The following GABRB2 variants were observed in gnomAD, a reference collection of about 807,000 sequenced individuals.
GABRB2 encodes the protein gamma-aminobutyric acid type A receptor subunit beta2, also known as gamma-aminobutyric acid receptor subunit beta-2.
GABRB2 carries 16 observed loss-of-function variants against 54.7 expected under a neutral mutation model. That is an observed-to-expected ratio of 0.29 (90% CI 0.20 to 0.44). The LOEUF (loss-of-function observed/expected upper bound fraction) is 0.44, where lower values mean the gene tolerates loss of function less well. Among genes scored for constraint, GABRB2 ranks in the 20% least tolerant of loss-of-function variants. The pLI, the probability that GABRB2 is intolerant of heterozygous loss-of-function variation, is 1.00. For missense variants in GABRB2, 355 were observed against 644.0 expected (o/e 0.55, Z 4.86); for synonymous variants, 244 against 233.8 (o/e 1.04, Z -0.40).
chr5:161,379,559 T>C (rs1755405881), intron 5 of GABRB2, among the ~76,000 whole-genome samples: 1 of 152,176 alleles, frequency 6.6e-6, no homozygotes, highest in Non-Finnish European at 1.5e-5. Flanking sequence ...CATTCTCAAA[T>C]TTCATTCCAT....
intron 5 of GABRB2, among the ~76,000 whole-genome samples, chr5:161,364,022 TA>T (rs1273166318): frequency 6.6e-6 from 1 of 152,220 alleles, no homozygotes; most frequent in African/African-American, 2.4e-5. Flanking sequence ...GCTGAAGTGA[TA>T]AAAATCACAT....
chr5:161,297,565 G>C (rs1337790717), intron 9 of GABRB2, among the ~76,000 whole-genome samples: 1 of 152,094 alleles, frequency 6.6e-6, no homozygotes, highest in African/African-American at 2.4e-5. Context: ...AATTTGCTGA[G>C]AATGATGGTT....
At chr5:161,538,889 A>G (rs781113260) in intron 3 of GABRB2, among the ~76,000 whole-genome samples, 1 of 152,198 alleles carries the variant, frequency 6.6e-6, no homozygotes, top group Non-Finnish European at 1.5e-5. Context: ...GGTTGGTCTC[A>G]TTCACTACTC....
Position 161,293,583 on chromosome 5 carries a change from T to C in GABRB2, c.*498A>G. 6.5e-6 allele frequency: 1 copy of C among 154,374 alleles called. No homozygotes were observed. Among genetic ancestry groups the C allele is most frequent in the Admixed American group, 6.4e-5 (1 of 15,712 alleles). 9.6% of individuals were successfully genotyped at this position (154,374 alleles called of 1,614,324 possible). A position where few individuals can be genotyped will look rare whatever the true frequency, so the allele number is the denominator to read the frequency against. On this transcript the variant is annotated 3_prime_UTR_variant, in exon 10 of 10. Coordinates refer to ENST00000393959, the MANE Select transcript of GABRB2 (RefSeq NM_001371727.1). Reference sequence around the variant, plus strand: ...ATCTTTTAGAAACCAGTGGGAATAATCTTCCCATGACACCATTATCATCTC... The same window carrying C: ...ATCTTTTAGAAACCAGTGGGAATAACCTTCCCATGACACCATTATCATCTC...
chr5:161,292,636 CT>C lies in GABRB2; in HGVS notation c.*1444del, dbSNP rs1476621102. 1 of 152,090 alleles carries C rather than the reference CT, an allele frequency of 6.6e-6. No homozygotes were observed. The highest frequency in any genetic ancestry group is 2.4e-5 in the African/African-American group (1 of 41,406). 9.4% of individuals were successfully genotyped at this position (152,090 alleles called of 1,614,324 possible). On this transcript the variant is annotated 3_prime_UTR_variant, in exon 10 of 10. Transcript: ENST00000393959. Reference sequence around the variant, plus strand: ...CATAACATTTATCATGTTAATGTGGCTTTGTTATTATTTTCCACTAGTTTTC... The same window carrying C: ...CATAACATTTATCATGTTAATGTGGCTTGTTATTATTTTCCACTAGTTTTC...
chr5:161,342,950 A>G (rs889399934), intron 5 of GABRB2, among the ~76,000 whole-genome samples: 1 of 152,056 alleles, frequency 6.6e-6, no homozygotes, highest in Non-Finnish European at 1.5e-5. Flanking sequence ...TTGAGTGACC[A>G]TAATTAGAAG....
At chr5:161,499,783 A>C (rs550115148) in intron 3 of GABRB2, among the ~76,000 whole-genome samples, 10 of 152,182 alleles carry the variant, frequency 6.6e-5, no homozygotes, top group Admixed American at 6.5e-4. Context: ...TGCATAAGGC[A>C]GTGGTGGCAG....
chr5:161,427,670 T>C (rs532401962), intron 4 of GABRB2, among the ~76,000 whole-genome samples: 69 of 152,328 alleles, frequency 4.5e-4, no homozygotes, highest in Admixed American at 3.7e-3. Context: ...GACTGCTAAA[T>C]GTAATTACAT....
At chr5:161,536,850 G>A (rs556937088) in intron 3 of GABRB2, among the ~76,000 whole-genome samples, 219 of 151,910 alleles carry the variant, frequency 1.4e-3, no homozygotes, top group African/African-American at 4.9e-3. Flanking sequence ...CACCCACCTC[G>A]GCCTCCCAAA....
intron 7 of GABRB2, among the ~76,000 whole-genome samples, chr5:161,334,504 C>A (rs943745535): frequency 5.3e-5 from 8 of 152,150 alleles, no homozygotes; most frequent in Non-Finnish European, 1.2e-4. Context: ...AAATATCAAA[C>A]TGATGGGACT....
chr5:161,544,558 C>G (rs1760914437), intron 3 of GABRB2, among the ~76,000 whole-genome samples: 1 of 152,172 alleles, frequency 6.6e-6, no homozygotes, highest in South Asian at 2.1e-4. Context: ...GAGGCAGCCA[C>G]TAAGGAGTAC....
intron 8 of GABRB2, chr5:161,329,650 G>A (rs553420532): frequency 6.6e-6 from 1 of 152,274 alleles, no homozygotes; most frequent in East Asian, 1.9e-4. Context: ...TTTGAAGTTA[G>A]AAATATCAAA....
chr5:161,408,669 T>G (rs1580960529), intron 5 of GABRB2, among the ~76,000 whole-genome samples: 2 of 151,798 alleles, frequency 1.3e-5, no homozygotes, highest in South Asian at 4.2e-4. Flanking sequence ...AATTTTCATT[T>G]GCCAGAGGGA....
At chr5:161,350,774 G>A (rs1438640703) in intron 5 of GABRB2, among the ~76,000 whole-genome samples, 5 of 152,086 alleles carry the variant, frequency 3.3e-5, no homozygotes, top group African/African-American at 1.2e-4. Flanking sequence ...GAATGACTAA[G>A]TCTTCTGGTC....
chr5:161,294,064 C>T lies in GABRB2; in HGVS notation c.*17G>A, dbSNP rs902919671. Reference sequence around the variant, plus strand: ...TGAGGAGGAATCTAGTCCTTGCTTCCAGTGGGAGGCCATGTTTTAGTTCAC... The same window carrying T: ...TGAGGAGGAATCTAGTCCTTGCTTCTAGTGGGAGGCCATGTTTTAGTTCAC... On this transcript the variant is annotated 3_prime_UTR_variant, in exon 10 of 10. Transcript: ENST00000393959. 2.5e-6 allele frequency: 4 copies of T among 1,584,202 alleles called. No homozygotes were observed. Among genetic ancestry groups the T allele is most frequent in the Non-Finnish European group, 3.5e-6 (4 of 1,156,304 alleles).
At chr5:161,530,084 CATAAGTAGCGTTTGATTGA>C (rs1317169167) in intron 3 of GABRB2, among the ~76,000 whole-genome samples, 1 of 152,022 alleles carries the variant, frequency 6.6e-6, no homozygotes, top group African/African-American at 2.4e-5. Context: ...AGTCCAACAG[CATAAGTAGCGTTTGATTGA>C]ATTGGGTTTT....
chr5:161,357,783 AAG>A (rs1332977125), intron 5 of GABRB2, among the ~76,000 whole-genome samples: 6 of 152,112 alleles, frequency 3.9e-5, no homozygotes, highest in African/African-American at 1.4e-4. Context: ...GGATATATGA[AAG>A]AGAGAGTGGA....
intron 9 of GABRB2, among the ~76,000 whole-genome samples, chr5:161,323,780 G>A (rs1367573263): frequency 6.6e-6 from 1 of 152,096 alleles, no homozygotes; most frequent in Non-Finnish European, 1.5e-5. Context: ...GTAATTGTGT[G>A]CGTATACACT....
chr5:161,376,934 G>A (rs1173167385), intron 5 of GABRB2, among the ~76,000 whole-genome samples: 1 of 151,870 alleles, frequency 6.6e-6, no homozygotes, highest in Non-Finnish European at 1.5e-5. Context: ...CATCAAAAAT[G>A]AGCAGGGAGG....
Sources: allele counts gnomAD v4.1 joint callset (sites outside exome capture counted in the v4.1 genomes callset), GRCh38; gene constraint gnomAD v4.1.1; transcripts MANE v1.5; gene names NCBI Gene and HGNC (gene_info 2026-07-23, HGNC 2026-07-21).